Variants in DIP2B observed in about 807,000 individuals in gnomAD.
The protein encoded by DIP2B is disco-interacting protein 2 homolog B.
A neutral mutation model predicts 198.0 loss-of-function variants in DIP2B; 76 were observed. The observed-to-expected ratio is 0.38, with a 90% CI of 0.32 to 0.46. The LOEUF (loss-of-function observed/expected upper bound fraction) is 0.46. Among genes scored for constraint, DIP2B ranks in the 20% least tolerant of loss-of-function variants. The pLI is 0.99. For synonymous variants in DIP2B, 701 were observed against 739.1 expected, an observed-to-expected ratio of 0.95 and a Z score of 0.84; for missense variants, 1,559 against 1,978.4, an observed-to-expected ratio of 0.79 and a Z score of 4.02.
chr12:50,561,849 TCCAC>T (rs1958521945), intron 1 of DIP2B, among the ~76,000 whole-genome samples: 1 of 152,206 alleles, frequency 6.6e-6, no homozygotes, highest in African/African-American at 2.4e-5. Context: ...CCTCAAGTGA[TCCAC>T]CCATGTCGGC....
intron 1 of DIP2B, among the ~76,000 whole-genome samples, chr12:50,623,433 ACACACT>A (rs1374426891): frequency 0.098 from 4,580 of 46,566 alleles, 170 homozygotes; most frequent in East Asian, 0.33. Flanking sequence ...ACACACACAC[ACACACT>A]CTCTCTCTCT....
intron 37 of DIP2B, 152 bp from the exon 38 acceptor site, chr12:50,744,435 T>G (rs1940312195): frequency 1.1e-6 from 1 of 925,094 alleles, no homozygotes; most frequent in Admixed American, 2.7e-5. Flanking sequence ...CAGGTAAAAT[T>G]GAAAGGTGTC....
chr12:50,668,404 G>A (rs920036227), intron 4 of DIP2B, among the ~76,000 whole-genome samples: 2 of 152,160 alleles, frequency 1.3e-5, no homozygotes, highest in African/African-American at 4.8e-5. Context: ...AGTTTGAATG[G>A]AAGACTGACA....
At chr12:50,683,287 G>C in intron 10 of DIP2B, 39 bp downstream of exon 10, 1 of 1,539,250 alleles carries the variant, frequency 6.5e-7, no homozygotes, top group Non-Finnish European at 8.9e-7. Context: ...AGCCTGATGT[G>C]ACATGGCAGG....
intron 1 of DIP2B, among the ~76,000 whole-genome samples, chr12:50,529,813 C>A (rs1047492151): frequency 2.0e-5 from 3 of 151,690 alleles, no homozygotes; most frequent in Non-Finnish European, 4.4e-5. Flanking sequence ...GAGCCGAGAT[C>A]ATGCCATTGT....
chr12:50,606,046 C>T (rs1278774123), intron 1 of DIP2B, among the ~76,000 whole-genome samples: 1 of 151,928 alleles, frequency 6.6e-6, no homozygotes, highest in Non-Finnish European at 1.5e-5. Context: ...TGGCTTTGAA[C>T]TCCTGGCCTC....
In DIP2B at chr12:50,660,180, G is replaced by A; in HGVS notation, c.302-14G>A. 1 of 1,596,206 alleles carries A rather than the reference G, an allele frequency of 6.3e-7. No individual in the cohort carries two copies. Among genetic ancestry groups the A allele is most frequent in the Non-Finnish European group, 8.5e-7 (1 of 1,170,700 alleles). On this transcript the variant is annotated splice_polypyrimidine_tract_variant and intron_variant, in intron 3 of 37. Transcript: ENST00000301180. ...GAGCCGGAAGCTAATAAATGCAAAT[G>A]TTTGCTTTTTCAGATATCCACACAG...
chr12:50,505,181 C>T lies in DIP2B; in HGVS notation c.41C>T (p.Ala14Val), dbSNP rs1381140625. Residue 14 changes from alanine to valine, a missense_variant, in exon 1 of 38, where the codon GCG becomes GTG. Physicochemically the swap from Ala to Val is moderately conservative, Grantham distance 64. Transcript: ENST00000301180. ...CTGGAGCCGTCGCCGGCCGCGGTGGCGGCGCTGCCGCCTGAAGTGCGGGCG... is the reference window on the plus strand; with the variant it reads ...CTGGAGCCGTCGCCGGCCGCGGTGGTGGCGCTGCCGCCTGAAGTGCGGGCG... ...RGLEPSPAAVAALPPEVRAQL... is the reference protein window; with the variant it reads ...RGLEPSPAAVVALPPEVRAQL... 2.4e-5 allele frequency: 37 copies of T among 1,524,500 alleles called. No homozygotes were observed. The highest frequency in any genetic ancestry group is 3.2e-5 in the Non-Finnish European group (36 of 1,141,626). The allele number at this position is 1,524,500 out of a possible 1,614,324, so 94.4% of individuals were successfully genotyped here.
At chr12:50,538,738 A>G (rs1014572286) in intron 1 of DIP2B, among the ~76,000 whole-genome samples, 2 of 152,214 alleles carry the variant, frequency 1.3e-5, no homozygotes, top group African/African-American at 4.8e-5. Context: ...AAGCCTAAAC[A>G]TATTCCACAC....
Position 50,540,053 on chromosome 12 carries a change from G to GTTTTTT in DIP2B, c.100+34837_100+34842dup, listed in dbSNP as rs60978324. 8.1e-3 allele frequency among the ~76,000 whole-genome samples: 358 copies of GTTTTTT among 44,094 alleles called. 2 individuals carry two copies. Among genetic ancestry groups the GTTTTTT allele is most frequent in the Non-Finnish European group, 9.8e-3 (252 of 25,602 alleles). The allele number at this position is 44,094 out of a possible 152,430, so 28.9% of individuals were successfully genotyped here. ...TGGCAGGTAGTTTAGTTGTTTCTGT[G>GTTTTTT]TTTTTTTTTTTTTTTTTTTTTTTTT... On this transcript the variant is annotated intron_variant, in intron 1 of 37. Transcript: ENST00000301180.
intron 30 of DIP2B, among the ~76,000 whole-genome samples, chr12:50,729,875 G>A (rs1158205499): frequency 6.6e-6 from 1 of 151,682 alleles, no homozygotes; most frequent in Non-Finnish European, 1.5e-5. Context: ...GACTACAGGT[G>A]CACACCACCA....
intron 1 of DIP2B, among the ~76,000 whole-genome samples, chr12:50,604,560 C>T (rs770737157): frequency 9.9e-5 from 15 of 152,138 alleles, no homozygotes; most frequent in Middle Eastern, 3.2e-3. Flanking sequence ...CAGGCTCAAG[C>T]GGTCCTCCTG....
chr12:50,527,834 G>A (rs1958180429), intron 1 of DIP2B, among the ~76,000 whole-genome samples: 1 of 152,024 alleles, frequency 6.6e-6, no homozygotes, highest in Non-Finnish European at 1.5e-5. Context: ...TGTCAGAAGT[G>A]TATTTGTTCA....
At chr12:50,735,168 G>A (rs759289238) in intron 34 of DIP2B, 38 bp downstream of exon 34, 10 of 1,610,338 alleles carry the variant, frequency 6.2e-6, no homozygotes, top group Non-Finnish European at 8.5e-6. Context: ...GGTGGGCTGT[G>A]TGGAGAAGTG....
chr12:50,696,031 C>T, intron 16 of DIP2B, 64 bp downstream of exon 16: 1 of 1,605,266 alleles, frequency 6.2e-7, no homozygotes, highest in Non-Finnish European at 8.5e-7. Flanking sequence ...GGTTTTTCGC[C>T]CTGTACTAAG....
At chr12:50,554,506 TC>T (rs778754963) in intron 1 of DIP2B, among the ~76,000 whole-genome samples, 2 of 152,326 alleles carry the variant, frequency 1.3e-5, no homozygotes, top group South Asian at 2.1e-4. Context: ...CTCTATATGA[TC>T]GCTCATATCA....
At chr12:50,712,574 A>G (rs1939637699) in intron 22 of DIP2B, among the ~76,000 whole-genome samples, 1 of 151,470 alleles carries the variant, frequency 6.6e-6, no homozygotes, top group Admixed American at 6.6e-5. Context: ...ACTGCACTTC[A>G]GCCTGGGAGA....
At chr12:50,681,525 G>GA (rs1939041332) in intron 9 of DIP2B, among the ~76,000 whole-genome samples, 2 of 152,064 alleles carry the variant, frequency 1.3e-5, no homozygotes, top group South Asian at 2.1e-4. Context: ...TTACTTTTAA[G>GA]AAAAAACCGA....
intron 1 of DIP2B, among the ~76,000 whole-genome samples, chr12:50,599,600 C>T (rs550432645): frequency 1.3e-5 from 2 of 152,128 alleles, no homozygotes; most frequent in East Asian, 1.9e-4. Context: ...TGGGCAACAG[C>T]GCAAGACTCA....
Sources: allele counts gnomAD v4.1 joint callset (sites outside exome capture counted in the v4.1 genomes callset), GRCh38; gene constraint gnomAD v4.1.1; transcripts MANE v1.5; gene names NCBI Gene and HGNC (gene_info 2026-07-23, HGNC 2026-07-21).